Variants in KCNT2 observed in about 807,000 individuals in gnomAD.
The protein encoded by KCNT2 is potassium channel subfamily T member 2.
Under a neutral mutation model 153.8 loss-of-function variants are expected in KCNT2, and 67 were observed. The ratio of observed to expected loss-of-function variants is 0.44; its 90% CI spans 0.36 to 0.53. The LOEUF (loss-of-function observed/expected upper bound fraction) is 0.53. Ranked by LOEUF, KCNT2 falls within the 20% of genes least tolerant of loss-of-function variation. The probability of loss-of-function intolerance (pLI) is 0.00; values close to 1 mark genes in which losing one functional copy is unlikely to be tolerated. For synonymous variants in KCNT2, 500 were observed against 458.8 expected (o/e 1.09, Z -1.15); for missense variants, 975 against 1,354.8 (o/e 0.72, Z 4.40).
chr1:196,311,851 GCCA>G (rs1457484051), intron 21 of KCNT2, among the ~76,000 whole-genome samples: 1 of 151,732 alleles, frequency 6.6e-6, no homozygotes, highest in African/African-American at 2.4e-5. Flanking sequence ...ATGCCAAACA[GCCA>G]CCAAGTGGGA....
chr1:196,254,262 G>A (rs1251462414), intron 26 of KCNT2, among the ~76,000 whole-genome samples: 1 of 151,226 alleles, frequency 6.6e-6, no homozygotes. Flanking sequence ...GTTTTTGAGG[G>A]CCAACCCTGA....
At chr1:196,599,919 A>G (rs543711818) in intron 1 of KCNT2, among the ~76,000 whole-genome samples, 3 of 152,186 alleles carry the variant, frequency 2.0e-5, no homozygotes, top group Admixed American at 1.3e-4. Flanking sequence ...TTACCTCCAA[A>G]CTCCAAAGCC....
chr1:196,470,540 G>C (rs1359388811), intron 5 of KCNT2, among the ~76,000 whole-genome samples: 1 of 152,150 alleles, frequency 6.6e-6, no homozygotes, highest in Non-Finnish European at 1.5e-5. Context: ...TCTGTAGCCT[G>C]ACACACTGAG....
At chr1:196,429,929 T>C (rs867999639) in intron 8 of KCNT2, among the ~76,000 whole-genome samples, 172 bp from the exon 9 acceptor site, 2 of 152,100 alleles carry the variant, frequency 1.3e-5, no homozygotes, top group African/African-American at 2.4e-5. Flanking sequence ...TTGTCCTACA[T>C]TGACCAGACA....
rs142652730 is a variant in KCNT2 at position 196,423,001 on chromosome 1, C to G, written c.1185+49G>C. The G allele has an allele frequency of 2.7e-4, 332 of 1,240,070 alleles. 4 individuals carry two copies. In the East Asian group the frequency reaches 8.4e-3, roughly 31 times the overall value. 76.8% of individuals were successfully genotyped at this position (1,240,070 alleles called of 1,614,324 possible). A position where few individuals can be genotyped will look rare whatever the true frequency, so the allele number is the denominator to read the frequency against. On this transcript the variant is annotated intron_variant, in intron 12 of 27. Transcript: ENST00000294725. Reference sequence around the variant, plus strand: ...TTTAAAAACTCAAATTAAAAAAAATCTTCTAAAATGGAAAGCACAACTTAC... The same window carrying G: ...TTTAAAAACTCAAATTAAAAAAAATGTTCTAAAATGGAAAGCACAACTTAC...
intron 1 of KCNT2, among the ~76,000 whole-genome samples, chr1:196,550,509 A>C (rs889603866): frequency 6.6e-6 from 1 of 151,970 alleles, no homozygotes; most frequent in African/African-American, 2.4e-5. Context: ...TGATTATCAC[A>C]ATCAAGAAAA....
chr1:196,553,416 A>G (rs1463681707), intron 1 of KCNT2, among the ~76,000 whole-genome samples: 6 of 151,080 alleles, frequency 4.0e-5, no homozygotes, highest in Non-Finnish European at 8.9e-5. Context: ...CCAGAAAGAA[A>G]ATCAATAAAG....
chr1:196,585,097 G>A (rs1662513600), intron 1 of KCNT2, among the ~76,000 whole-genome samples: 1 of 152,080 alleles, frequency 6.6e-6, no homozygotes, highest in Non-Finnish European at 1.5e-5. Flanking sequence ...ATGTAGAAGA[G>A]ACTTGGAGTC....
intron 23 of KCNT2, among the ~76,000 whole-genome samples, chr1:196,282,919 A>G (rs1437434479): frequency 6.6e-6 from 1 of 152,154 alleles, no homozygotes; most frequent in East Asian, 1.9e-4. Flanking sequence ...ATAGCGGCTC[A>G]CTGCAGCCTC....
chr1:196,271,441 G>A (rs1658056809), intron 25 of KCNT2, among the ~76,000 whole-genome samples: 1 of 151,966 alleles, frequency 6.6e-6, no homozygotes, highest in African/African-American at 2.4e-5. Context: ...ACGTTAAGTG[G>A]ACAGAAAGCC....
intron 1 of KCNT2, among the ~76,000 whole-genome samples, chr1:196,593,311 T>TATATATATATATATATACAC (rs1256165838): frequency 1.1e-4 from 15 of 140,200 alleles, no homozygotes; most frequent in African/African-American, 4.2e-4. Context: ...TATATATATA[T>TATATATATATATATATACAC]ACACACACAC....
At chr1:196,325,880 G>A (rs1407703969) in intron 19 of KCNT2, among the ~76,000 whole-genome samples, 1 of 152,024 alleles carries the variant, frequency 6.6e-6, no homozygotes, top group Non-Finnish European at 1.5e-5. Context: ...TAATGTACTG[G>A]GCAGATGTCT....
chr1:196,400,449 A>G (rs76993785), intron 12 of KCNT2, among the ~76,000 whole-genome samples: 1 of 151,912 alleles, frequency 6.6e-6, no homozygotes, highest in African/African-American at 2.4e-5. Flanking sequence ...AAATTTCCTC[A>G]TTAGTAAAAT....
At chr1:196,448,347 T>C (rs951003350) in intron 8 of KCNT2, among the ~76,000 whole-genome samples, 1 of 151,590 alleles carries the variant, frequency 6.6e-6, no homozygotes, top group African/African-American at 2.4e-5. Flanking sequence ...ATTATAAAAA[T>C]TTTTATAAAA....
At chr1:196,520,131 G>A (rs541788082) in intron 1 of KCNT2, among the ~76,000 whole-genome samples, 37 of 152,170 alleles carry the variant, frequency 2.4e-4, no homozygotes, top group African/African-American at 8.7e-4. Context: ...CTTTATCCCT[G>A]GGATTCAAGG....
At chr1:196,235,846 G>A in intron 27 of KCNT2, 140 bp downstream of exon 27, 1 of 519,508 alleles carries the variant, frequency 1.9e-6, no homozygotes, top group South Asian at 3.0e-5. Flanking sequence ...AAATGCATTT[G>A]TTTATTTATA....
At chr1:196,483,231 C>A (rs1679154548) in intron 3 of KCNT2, among the ~76,000 whole-genome samples, 2 of 152,282 alleles carry the variant, frequency 1.3e-5, no homozygotes, top group Admixed American at 6.5e-5. Flanking sequence ...TCTCCTGCAT[C>A]TGTAAATACT....
chr1:196,234,841 C>T (rs1654288608), intron 27 of KCNT2, among the ~76,000 whole-genome samples: 2 of 151,364 alleles, frequency 1.3e-5, no homozygotes. Flanking sequence ...TAATATCCAA[C>T]AAAACATGTG....
chr1:196,578,069 T>A (rs1359608413), intron 1 of KCNT2, among the ~76,000 whole-genome samples: 1 of 152,174 alleles, frequency 6.6e-6, no homozygotes, highest in Non-Finnish European at 1.5e-5. Flanking sequence ...CTTAATGCTA[T>A]ACTTTCTGCT....
Sources: gnomAD v4.1 joint callset for allele counts (sites outside exome capture counted in the v4.1 genomes callset) on GRCh38, gnomAD v4.1.1 for gene constraint, MANE v1.5 for transcripts, NCBI Gene and HGNC (gene_info 2026-07-23, HGNC 2026-07-21) for gene names.